TOP2B: variants seen among roughly 807,000 people sequenced by gnomAD.
The protein encoded by TOP2B is DNA topoisomerase 2-beta.
In TOP2B, 51 loss-of-function variants were observed where a neutral mutation model predicts 193.5. That is an observed-to-expected ratio of 0.26 (90% CI 0.21 to 0.33). The LOEUF (loss-of-function observed/expected upper bound fraction) is 0.33, where lower values mean the gene tolerates loss of function less well. TOP2B is among the 10% of genes least tolerant of loss of function. The pLI is 1.00. For synonymous variants in TOP2B, 634 were observed against 635.7 expected (o/e 1.00, Z 0.04); for missense variants, 1,378 against 1,909.3 (o/e 0.72, Z 5.19).
At chr3:25,637,972 T>A (rs891579581) in intron 5 of TOP2B, among the ~76,000 whole-genome samples, 193 bp downstream of exon 5, 1 of 151,934 alleles carries the variant, frequency 6.6e-6, no homozygotes, top group East Asian at 1.9e-4. Flanking sequence ...ATAAAGTCAA[T>A]GTACTATCAG....
At chr3:25,630,266 A>G in intron 12 of TOP2B, 46 bp downstream of exon 12, 1 of 1,531,138 alleles carries the variant, frequency 6.5e-7, no homozygotes, top group Non-Finnish European at 8.8e-7. Context: ...TGTCATATGT[A>G]TGTGTGCATG....
intron 18 of TOP2B, 79 bp from the exon 19 acceptor site, chr3:25,624,882 A>C (rs1173630099): frequency 1.4e-6 from 2 of 1,425,942 alleles, no homozygotes; most frequent in African/African-American, 2.9e-5. Flanking sequence ...CAAAGATACA[A>C]TTTGCTTTTC....
rs1191562081 is a variant in TOP2B, at chr3:25,602,418, A to AAAG, written c.4490-1194_4490-1193insCTT. Among the ~76,000 whole-genome samples the AAAG allele has an allele frequency of 1.6e-3, 170 of 105,080 alleles. 1 individual carries two copies. The highest frequency in any genetic ancestry group is 2.4e-3 in the Non-Finnish European group (127 of 53,938). 68.9% of individuals were successfully genotyped at this position (105,080 alleles called of 152,430 possible). ...TCTCAAAAAAAAAAAAAGAAAAAGA[A>AAAG]AAAAAAAAAACTGATAAATCACTTT... On this transcript the variant is annotated intron_variant, in intron 33 of 35. Transcript: ENST00000264331.
rs1559499516 is a variant in TOP2B at position 25,626,479 on chromosome 3, TATC to T, written c.2224+78_2224+80del. 6.8e-6 allele frequency: 5 copies of T among 738,116 alleles called. No individual in the cohort carries two copies. The East Asian group carries it at 1.5e-4, about 23-fold the overall frequency. The allele number at this position is 738,116 out of a possible 1,614,324, so 45.7% of individuals were successfully genotyped here. On this transcript the variant is annotated intron_variant, in intron 18 of 35. Coordinates refer to ENST00000264331, the MANE Select transcript of TOP2B (RefSeq NM_001330700.2). ...GATTTAAAGTAAGAATTTTAATATG[TATC>T]ATAAGGATGGCTTAAAGTACATGAA... is the stretch of plus-strand genomic sequence containing the variant.
chr3:25,657,452 G>C (rs1409841271), intron 1 of TOP2B, among the ~76,000 whole-genome samples: 1 of 152,102 alleles, frequency 6.6e-6, no homozygotes, highest in Non-Finnish European at 1.5e-5. Context: ...ATGTCACCCT[G>C]GGTAGCTCTT....
Position 25,606,189 on chromosome 3 carries a change from T to C in TOP2B, c.4299-67A>G. On this transcript the variant is annotated intron_variant, in intron 31 of 35. Transcript: ENST00000264331. Reference sequence around the variant, plus strand: ...ATATCTGATTTCAATCCTGATAAATTATATATAATATTTACTGCAGGATTA... The same window carrying C: ...ATATCTGATTTCAATCCTGATAAATCATATATAATATTTACTGCAGGATTA... The C allele has an allele frequency of 5.5e-6, 4 of 722,606 alleles. No individual in the cohort carries two copies. In the Admixed American group the frequency reaches 1.3e-4, roughly 24 times the overall value. The allele number at this position is 722,606 out of a possible 1,614,324, so 44.8% of individuals were successfully genotyped here.
chr3:25,645,461 C>A lies in TOP2B; in HGVS notation c.79G>T (p.Asp27Tyr). Residue 27 changes from aspartate to tyrosine, a missense_variant, in exon 2 of 36, where the codon GAT becomes TAT. Coordinates refer to ENST00000264331, the MANE Select transcript of TOP2B (RefSeq NM_001330700.2). ...NGALTWVTLF[D>Y]QNNAAKKEES... is the part of the protein sequence containing the mutation. ...TCTTTTTTTGCAGCATTGTTCTGAT[C>A]AAAAAGAGTCTAAAATTAACCAAAA... The A allele has an allele frequency of 6.2e-7, 1 of 1,602,312 alleles. No individual in the cohort carries two copies. Among genetic ancestry groups the A allele is most frequent in the South Asian group, 1.1e-5 (1 of 88,358 alleles).
At chr3:25,649,785 T>C (rs866784092) in intron 1 of TOP2B, among the ~76,000 whole-genome samples, 1 of 151,858 alleles carries the variant, frequency 6.6e-6, no homozygotes, top group African/African-American at 2.4e-5. Flanking sequence ...GGATAAAAAA[T>C]AGCAACACAG....
chr3:25,658,272 A>G (rs1414130085), intron 1 of TOP2B, among the ~76,000 whole-genome samples: 1 of 151,388 alleles, frequency 6.6e-6, no homozygotes, highest in Non-Finnish European at 1.5e-5. Flanking sequence ...ATTTACCAAA[A>G]GCATTTTGAA....
At chr3:25,638,672 G>T (rs995460309) in intron 4 of TOP2B, among the ~76,000 whole-genome samples, 1 of 151,660 alleles carries the variant, frequency 6.6e-6, no homozygotes, top group Non-Finnish European at 1.5e-5. Flanking sequence ...ATTAAAATAG[G>T]CATTCTGTAA....
chr3:25,627,178 C>T lies in TOP2B; in HGVS notation c.2016+9G>A. ...CTAACAAAAGCTTTTAAAAAATTAA[C>T]TTAATTACCAAGGTAATGGCAGCAT... On this transcript the variant is annotated intron_variant, in intron 16 of 35. Transcript: ENST00000264331. The T allele has an allele frequency of 6.3e-7, 1 of 1,580,140 alleles. No individual in the cohort carries two copies. The highest frequency in any genetic ancestry group is 8.6e-7 in the Non-Finnish European group (1 of 1,162,136).
chr3:25,633,730 C>G (rs558119544), intron 8 of TOP2B, 111 bp downstream of exon 8: 1 of 910,928 alleles, frequency 1.1e-6, no homozygotes, highest in Non-Finnish European at 1.6e-6. Flanking sequence ...TCTTATTTAA[C>G]AAAAACAGAT....
At chr3:25,630,200 T>C (rs1199769727) in intron 12 of TOP2B, 46 bp from the exon 13 acceptor site, 3 of 1,524,346 alleles carry the variant, frequency 2.0e-6, no homozygotes, top group South Asian at 1.3e-5. Flanking sequence ...AGTGTTGAAA[T>C]ATACGAGTCA....
At chr3:25,615,337 G>A in intron 26 of TOP2B, 49 bp from the exon 27 acceptor site, 2 of 1,571,770 alleles carry the variant, frequency 1.3e-6, no homozygotes, top group Non-Finnish European at 1.7e-6. Context: ...TAAAACATAT[G>A]AAGGATAAAT....
chr3:25,624,673 A>C lies in TOP2B; in HGVS notation c.2346+9T>G, dbSNP rs774783636. 9 of 1,612,802 alleles carry C rather than the reference A, an allele frequency of 5.6e-6. No individual in the cohort carries two copies. The South Asian group carries it at 8.8e-5, about 16-fold the overall frequency. ...ACAGTTCTCAATTGATTCCAATCTT[A>C]ATGCTTACTTCTCCATGATGATAAG... On this transcript the variant is annotated intron_variant, in intron 19 of 35. Coordinates refer to ENST00000264331, the MANE Select transcript of TOP2B (RefSeq NM_001330700.2).
At chr3:25,629,959 T>G in intron 13 of TOP2B, 70 bp downstream of exon 13, 1 of 1,450,938 alleles carries the variant, frequency 6.9e-7, no homozygotes, top group Non-Finnish European at 9.2e-7. Flanking sequence ...GCAAGTCTCA[T>G]AAAACAAATA....
Position 25,612,643 on chromosome 3 carries a change from C to T in TOP2B, c.3658G>A (p.Val1220Ile). The change falls in exon 28 of 36, where the codon GTT (valine) becomes ATT (isoleucine). Residue 1220 changes from valine (V) to isoleucine (I), a missense_variant. Coordinates refer to ENST00000264331, the MANE Select transcript of TOP2B (RefSeq NM_001330700.2). ...GMSGKAIKGK[V>I]GKPKVKKLQL... ...AGTTTCTTCACCTTAGGTTTGCCAA[C>T]TTTACCTTTAATTGCTTTTCCAGAC... 1.2e-6 allele frequency: 2 copies of T among 1,613,726 alleles called. No homozygotes were observed. The highest frequency in any genetic ancestry group is 1.7e-6 in the Non-Finnish European group (2 of 1,179,756).
chr3:25,627,236 C>A lies in TOP2B; in HGVS notation c.1967G>T (p.Arg656Leu). 1 of 1,609,790 alleles carries A rather than the reference C, an allele frequency of 6.2e-7. No individual in the cohort carries two copies. The highest frequency in any genetic ancestry group is 8.5e-7 in the Non-Finnish European group (1 of 1,178,414). ...KEYFADMERH[R>L]ILFRYAGPED... ...AGGACCAGCATATCTAAACAAGATG[C>A]GATGCCTTTCCATATCAGCAAAATA... Residue 656 changes from arginine (R) to leucine (L), a missense_variant, in exon 16 of 36, where the codon CGC (arginine) becomes CTC (leucine). This residue lies in a region of TOP2B where 379 missense variants were observed against 615.1 expected (regional missense o/e 0.62). Transcript: ENST00000264331.
chr3:25,638,103 A>T, intron 5 of TOP2B, 62 bp downstream of exon 5: 1 of 1,412,938 alleles, frequency 7.1e-7, no homozygotes, highest in Non-Finnish European at 9.6e-7. Context: ...TTTCCTTAGT[A>T]AGTTATACAT....
Sources: allele counts gnomAD v4.1 joint callset (sites outside exome capture counted in the v4.1 genomes callset), GRCh38; gene constraint gnomAD v4.1.1; regional missense constraint gnomAD v4.1.1; transcripts MANE v1.5; gene names NCBI Gene and HGNC (gene_info 2026-07-23, HGNC 2026-07-21).